Variants in CCDC192 observed in about 807,000 individuals in gnomAD.
CCDC192 encodes coiled-coil domain containing 192.
rs1753898684 is a variant in CCDC192, at chr5:127,927,622, G to C, written c.536-13560G>C. Among the ~76,000 whole-genome samples the C allele has an allele frequency of 4.6e-5, 7 of 152,146 alleles. 1 individual carries two copies. In the South Asian group the frequency reaches 1.2e-3, roughly 27 times the overall value. ...TTAAATGTTTAAATGTTCATGGCTT[G>C]GAGCCAGTAGAAAGATTAACATTTA... On this transcript the variant is annotated intron_variant, in intron 6 of 6. Transcript: ENST00000514853.
intron 3 of CCDC192, among the ~76,000 whole-genome samples, chr5:127,775,033 A>T (rs896350913): frequency 1.3e-5 from 2 of 151,894 alleles, no homozygotes; most frequent in East Asian, 3.9e-4. Flanking sequence ...GAAGTATTTT[A>T]TTTCCTTTTC....
At chr5:127,750,238 C>A (rs1029501677) in intron 2 of CCDC192, among the ~76,000 whole-genome samples, 2 of 152,070 alleles carry the variant, frequency 1.3e-5, no homozygotes. Flanking sequence ...CCTGCTTTCT[C>A]TTGTGGGCAT....
intron 2 of CCDC192, among the ~76,000 whole-genome samples, chr5:127,710,112 G>A (rs1751236864): frequency 6.6e-6 from 1 of 152,094 alleles, no homozygotes; most frequent in Non-Finnish European, 1.5e-5. Flanking sequence ...TGAAGGAACT[G>A]GTTGTGCTTC....
At chr5:127,835,675 T>A (rs992059524) in intron 5 of CCDC192, among the ~76,000 whole-genome samples, 1 of 152,154 alleles carries the variant, frequency 6.6e-6, no homozygotes, top group African/African-American at 2.4e-5. Flanking sequence ...AGCATGTCTT[T>A]CATGGTGGCA....
At position 127,907,379 on chromosome 5, in the gene CCDC192, T is replaced by C. The variant is rs17164544; in HGVS notation, c.535+31718T>C. On this transcript the variant is annotated intron_variant, in intron 6 of 6. Coordinates refer to ENST00000514853, the MANE Select transcript of CCDC192 (RefSeq NM_001317938.2). ...ACTTCAGATTTGGGTTATAAAGTTA[T>C]CTCAAGTAATTTACATTGAAAACAA... Among the ~76,000 whole-genome samples the C allele has an allele frequency of 7.5e-3, 1,139 of 152,314 alleles. 21 individuals are homozygous for C. Among genetic ancestry groups the C allele is most frequent in the African/African-American group, 0.026 (1,090 of 41,578 alleles).
At chr5:127,749,934 G>C (rs922162713) in intron 2 of CCDC192, among the ~76,000 whole-genome samples, 1 of 152,114 alleles carries the variant, frequency 6.6e-6, no homozygotes, top group East Asian at 1.9e-4. Context: ...ATGGTAGTTT[G>C]TATTTCTGTG....
At chr5:127,829,397 T>C (rs1181832015) in intron 5 of CCDC192, among the ~76,000 whole-genome samples, 2 of 147,986 alleles carry the variant, frequency 1.4e-5, no homozygotes, top group East Asian at 2.0e-4. Flanking sequence ...AAACATCCTT[T>C]GGAATCTTCA....
At chr5:127,901,431 T>C (rs938893941) in intron 6 of CCDC192, among the ~76,000 whole-genome samples, 2 of 152,182 alleles carry the variant, frequency 1.3e-5, no homozygotes, top group Non-Finnish European at 2.9e-5. Context: ...GAGCACCTTG[T>C]AAAAACTATA....
intron 3 of CCDC192, among the ~76,000 whole-genome samples, chr5:127,789,922 C>A (rs59202766): frequency 6.6e-6 from 1 of 152,186 alleles, no homozygotes; most frequent in Non-Finnish European, 1.5e-5. Context: ...AATTTGAAAC[C>A]AAGATCCTCG....
intron 2 of CCDC192, among the ~76,000 whole-genome samples, chr5:127,710,290 A>G (rs1751248719): frequency 6.6e-6 from 1 of 152,146 alleles, no homozygotes; most frequent in Admixed American, 6.5e-5. Flanking sequence ...AGCAGAATGG[A>G]TTCTGCTGTG....
At chr5:127,874,087 G>A (rs781104264) in intron 5 of CCDC192, among the ~76,000 whole-genome samples, 15 of 152,142 alleles carry the variant, frequency 9.9e-5, no homozygotes, top group Non-Finnish European at 1.6e-4. Context: ...CAGCTGGCCA[G>A]CATCGTGTCT....
intron 3 of CCDC192, among the ~76,000 whole-genome samples, chr5:127,770,844 A>G (rs1755509816): frequency 6.6e-6 from 1 of 152,200 alleles, no homozygotes. Context: ...ATGTATAGGT[A>G]TAAGGGTTTA....
Position 127,710,426 on chromosome 5 carries a change from T to A in CCDC192, c.114+2666T>A, listed in dbSNP as rs542617687. On this transcript the variant is annotated intron_variant, in intron 2 of 6. Transcript: ENST00000514853. ...AAGATTTCTTGACCACCAAGCAGAA[T>A]TAACCCCGCTCTCTCTGCCTTTGTG... Among the ~76,000 whole-genome samples the A allele has an allele frequency of 1.0e-3, 153 of 152,194 alleles. 2 individuals are homozygous for A. The highest frequency in any genetic ancestry group is 1.7e-3 in the Non-Finnish European group (117 of 67,998).
intron 2 of CCDC192, among the ~76,000 whole-genome samples, chr5:127,715,879 C>A (rs905959378): frequency 3.9e-5 from 6 of 152,142 alleles, no homozygotes; most frequent in African/African-American, 1.4e-4. Context: ...GTTTGAAGGC[C>A]CTGTATTTCT....
intron 2 of CCDC192, among the ~76,000 whole-genome samples, chr5:127,738,625 C>G (rs1220802147): frequency 2.7e-5 from 4 of 150,110 alleles, no homozygotes; most frequent in African/African-American, 7.4e-5. Context: ...AGGCTTTGCT[C>G]ATTTCTTTTT....
intron 2 of CCDC192, 107 bp downstream of exon 2, chr5:127,707,867 C>G: frequency 5.3e-6 from 2 of 380,384 alleles, no homozygotes; most frequent in Non-Finnish European, 9.3e-6. Context: ...GTTTAGTTTT[C>G]ACATTTTACT....
chr5:127,745,348 C>G (rs1216221176), intron 2 of CCDC192, among the ~76,000 whole-genome samples: 1 of 152,154 alleles, frequency 6.6e-6, no homozygotes, highest in East Asian at 1.9e-4. Context: ...AAATAATATG[C>G]AAATTTTCTT....
At chr5:127,905,662 GA>G (rs1753174365) in intron 6 of CCDC192, among the ~76,000 whole-genome samples, 1 of 152,068 alleles carries the variant, frequency 6.6e-6, no homozygotes, top group Non-Finnish European at 1.5e-5. Flanking sequence ...TGACTGACAT[GA>G]AAAGTAAACT....
Position 127,798,095 on chromosome 5 carries a change from C to T in CCDC192, c.355-11C>T, listed in dbSNP as rs1180608272. ...TTACATACTTAGTTTCTAAACTTTT[C>T]TCCTTTTCAGTGCATCCAGAAATTG... On this transcript the variant is annotated splice_polypyrimidine_tract_variant and intron_variant, in intron 4 of 6. Coordinates refer to ENST00000514853, the MANE Select transcript of CCDC192 (RefSeq NM_001317938.2). 5.0e-6 allele frequency: 2 copies of T among 398,062 alleles called. No individual in the cohort carries two copies. Among genetic ancestry groups the T allele is most frequent in the African/African-American group, 4.1e-5 (2 of 48,558 alleles). The allele number at this position is 398,062 out of a possible 1,614,324, so 24.7% of individuals were successfully genotyped here.
Sources: gnomAD v4.1 joint callset for allele counts (sites outside exome capture counted in the v4.1 genomes callset) on GRCh38, gnomAD v4.1.1 for gene constraint, MANE v1.5 for transcripts, NCBI Gene and HGNC (gene_info 2026-07-23, HGNC 2026-07-21) for gene names.